Variants in ZMYM2 observed in about 807,000 individuals in gnomAD.
ZMYM2 encodes zinc finger MYM-type containing 2.
In ZMYM2, 56 loss-of-function variants were observed where a neutral mutation model predicts 162.8. That is an observed-to-expected ratio of 0.34 (90% CI 0.28 to 0.43). ZMYM2 has a LOEUF of 0.43. Ranked by LOEUF, ZMYM2 falls within the 20% of genes least tolerant of loss-of-function variation. The pLI, the probability that ZMYM2 is intolerant of heterozygous loss-of-function variation, is 1.00. For missense variants in ZMYM2, 1,275 were observed against 1,621.8 expected (o/e 0.79, Z 3.67); for synonymous variants, 510 against 541.6 (o/e 0.94, Z 0.81).
At chr13:19,870,050 G>A in the ZMYM2 span, among the ~76,000 whole-genome samples, 1 of 152,218 alleles carries the variant, frequency 6.6e-6, no homozygotes, top group Non-Finnish European at 1.5e-5. Flanking sequence ...GCAGTCGTAT[G>A]AAGGCCTGAC....
chr13:19,930,332 C>T, the ZMYM2 span, among the ~76,000 whole-genome samples: 157 of 151,954 alleles, frequency 1.0e-3, no homozygotes, highest in African/African-American at 3.6e-3. Context: ...ACCCAGGAGG[C>T]GAAGGTTTCA....
chr13:19,926,883 G>A, the ZMYM2 span, among the ~76,000 whole-genome samples: 6 of 152,056 alleles, frequency 3.9e-5, no homozygotes, highest in African/African-American at 1.4e-4. Context: ...GGCCAGTCTG[G>A]TCTCAAACTC....
rs1957838704 is a variant in ZMYM2, at chr13:20,080,492, T to TA, written c.3454-1524_3454-1523insA. On this transcript the variant is annotated intron_variant, in intron 21 of 24. Coordinates refer to ENST00000610343, the MANE Select transcript of ZMYM2 (RefSeq NM_197968.4). ...AATTGAATCCGACAATATCTGTCTC[T>TA]TTTTTTTTTTTCCTTGAGACTGGGC... is the stretch of plus-strand genomic sequence containing the variant. 2.1e-5 allele frequency among the ~76,000 whole-genome samples: 3 copies of TA among 146,102 alleles called. No homozygotes were observed. In the South Asian group the frequency reaches 6.5e-4, roughly 32 times the overall value.
Position 20,019,569 on chromosome 13 carries a change from T to C in ZMYM2, c.1535T>C (p.Leu512Pro). Residue 512 changes from leucine (L) to proline (P), a missense_variant, in exon 7 of 25, where the codon CTG (leucine) becomes CCG (proline). This residue lies in a region of ZMYM2 where 276 missense variants were observed against 311.8 expected (regional missense o/e 0.89). Transcript: ENST00000610343. ...TAGGTAGGTAGCCATCCAAGCTTCCTGAAGGAGGTTCGAGATCACATGCAG... is the reference window on the plus strand; with the variant it reads ...TAGGTAGGTAGCCATCCAAGCTTCCCGAAGGAGGTTCGAGATCACATGCAG... The part of the protein sequence containing the change: ...YKQVGSHPSF[L>P]KEVRDHMQDS... 1 of 1,594,544 alleles carries C rather than the reference T, an allele frequency of 6.3e-7. No homozygotes were observed. Among genetic ancestry groups the C allele is most frequent in the Non-Finnish European group, 8.5e-7 (1 of 1,169,944 alleles).
At chr13:19,865,291 T>C in the ZMYM2 span, among the ~76,000 whole-genome samples, 1 of 152,192 alleles carries the variant, frequency 6.6e-6, no homozygotes, top group Non-Finnish European at 1.5e-5. Context: ...TTTACAAATA[T>C]GTGTTGGGCT....
intron 12 of ZMYM2, among the ~76,000 whole-genome samples, chr13:20,042,249 C>T (rs550652097): frequency 6.6e-6 from 1 of 152,220 alleles, no homozygotes; most frequent in African/African-American, 2.4e-5. Context: ...GGAGGTTTTG[C>T]TCGTTCCTTT....
intron 2 of ZMYM2, among the ~76,000 whole-genome samples, chr13:19,964,503 G>C (rs889506229): frequency 6.6e-6 from 1 of 152,216 alleles, no homozygotes; most frequent in Non-Finnish European, 1.5e-5. Context: ...GGACTCAAGC[G>C]ATCTTCCCAC....
At chr13:19,871,478 G>T in the ZMYM2 span, among the ~76,000 whole-genome samples, 21 of 152,144 alleles carry the variant, frequency 1.4e-4, no homozygotes, top group Middle Eastern at 3.4e-3. Flanking sequence ...CTGGAGTACA[G>T]TAGCCAACTC....
chr13:19,994,052 CTT>C (rs1271710438), intron 3 of ZMYM2, 133 bp downstream of exon 3: 1 of 1,115,570 alleles, frequency 9.0e-7, no homozygotes, highest in East Asian at 2.5e-5. Context: ...TGAATTTTAT[CTT>C]AAGTTTGGTA....
At chr13:19,999,852 C>T (rs1285940800) in intron 3 of ZMYM2, among the ~76,000 whole-genome samples, 4 of 152,184 alleles carry the variant, frequency 2.6e-5, no homozygotes, top group African/African-American at 9.7e-5. Context: ...GTCTGGAGTG[C>T]AGTGGTTTGA....
At chr13:19,890,409 C>A in the ZMYM2 span, among the ~76,000 whole-genome samples, 1 of 150,242 alleles carries the variant, frequency 6.7e-6, no homozygotes. Flanking sequence ...CTCAAGCAAT[C>A]CTCCTGCCTC....
At chr13:20,066,696 A>G (rs1172981511) in intron 19 of ZMYM2, 155 bp from the exon 20 acceptor site, 10 of 614,878 alleles carry the variant, frequency 1.6e-5, no homozygotes, top group Non-Finnish European at 2.2e-5. Flanking sequence ...GCAGGCACAC[A>G]GAAAAACATA....
At chr13:19,917,967 G>A in the ZMYM2 span, among the ~76,000 whole-genome samples, 333 of 152,242 alleles carry the variant, frequency 2.2e-3, 3 homozygotes, top group Middle Eastern at 6.8e-3. Context: ...TGAGGTGGGA[G>A]GATCACTTGA....
At chr13:20,011,112 G>T (rs964196517) in intron 6 of ZMYM2, among the ~76,000 whole-genome samples, 17 of 152,076 alleles carry the variant, frequency 1.1e-4, no homozygotes, top group Non-Finnish European at 2.2e-4. Context: ...TTAGCCTTTT[G>T]AATCTATCCA....
chr13:20,009,964 T>C (rs1216565206), intron 6 of ZMYM2, among the ~76,000 whole-genome samples: 1 of 152,228 alleles, frequency 6.6e-6, no homozygotes, highest in Non-Finnish European at 1.5e-5. Context: ...TTCTGTGTTT[T>C]ACCTTTTGAA....
chr13:19,934,572 T>C, the ZMYM2 span, among the ~76,000 whole-genome samples: 1 of 152,164 alleles, frequency 6.6e-6, no homozygotes, highest in Non-Finnish European at 1.5e-5. Flanking sequence ...CCTTTAAAAT[T>C]TTTATCATTA....
chr13:19,903,019 G>A, the ZMYM2 span, among the ~76,000 whole-genome samples: 1 of 151,898 alleles, frequency 6.6e-6, no homozygotes, highest in African/African-American at 2.4e-5. Context: ...AGCCAGGCAT[G>A]GTGGTGCACG....
chr13:19,919,462 C>T, the ZMYM2 span, among the ~76,000 whole-genome samples: 2 of 152,092 alleles, frequency 1.3e-5, no homozygotes, highest in Non-Finnish European at 2.9e-5. Context: ...ACATTCCCAC[C>T]AGCAATAAAT....
At chr13:19,972,822 A>G (rs1193523340) in intron 2 of ZMYM2, among the ~76,000 whole-genome samples, 1 of 151,930 alleles carries the variant, frequency 6.6e-6, no homozygotes, top group Non-Finnish European at 1.5e-5. Flanking sequence ...CCAACACTGT[A>G]TATTATCAAA....
Sources: allele counts gnomAD v4.1 joint callset (sites outside exome capture counted in the v4.1 genomes callset), GRCh38; gene constraint gnomAD v4.1.1; regional missense constraint gnomAD v4.1.1; transcripts MANE v1.5; gene names NCBI Gene and HGNC (gene_info 2026-07-23, HGNC 2026-07-21).